The following BRD7 variants were observed in gnomAD, a reference collection of about 807,000 sequenced individuals.
BRD7 encodes the protein bromodomain-containing protein 7.
A neutral mutation model predicts 82.1 loss-of-function variants in BRD7; 15 were observed. That is an observed-to-expected ratio of 0.18 (90% CI 0.12 to 0.28). The LOEUF is 0.28. Among genes scored for constraint, BRD7 ranks in the 10% least tolerant of loss-of-function variants. The pLI is 1.00. For synonymous variants in BRD7, 232 were observed against 266.9 expected (o/e 0.87, Z 1.27); for missense variants, 638 against 779.9 (o/e 0.82, Z 2.17).
chr16:50,320,311 T>A lies in BRD7; in HGVS notation c.1693A>T (p.Ser565Cys), dbSNP rs1007854979. 1.2e-6 allele frequency: 2 copies of A among 1,614,204 alleles called. No homozygotes were observed. Among genetic ancestry groups the A allele is most frequent in the African/African-American group, 2.7e-5 (2 of 75,048 alleles). Residue 565 changes from serine (S) to cysteine (C), a missense_variant, in exon 15 of 17, where the codon AGC becomes TGC. Transcript: ENST00000394688. ...ATCATGTTCGGAGGGGGTCTGGTGCTCAAACGTTCATTCTGGGCTTCCTGG... is the reference window on the plus strand; with the variant it reads ...ATCATGTTCGGAGGGGGTCTGGTGCACAAACGTTCATTCTGGGCTTCCTGG... ...ELQEAQNERL[S>C]TRPPPNMICL...
intron 5 of BRD7, chr16:50,349,434 A>G (rs2038427592): frequency 5.3e-6 from 2 of 380,174 alleles, no homozygotes; most frequent in South Asian, 2.0e-5. Flanking sequence ...TAAAAAAAAA[A>G]AAGAAAGTGT....
chr16:50,320,565 C>T, intron 14 of BRD7, 98 bp downstream of exon 14: 1 of 1,376,508 alleles, frequency 7.3e-7, no homozygotes, highest in Non-Finnish European at 1.0e-6. Flanking sequence ...CAAGATCTTC[C>T]TGTGGTGAAT....
At chr16:50,355,970 C>G (rs2038714988) in intron 2 of BRD7, among the ~76,000 whole-genome samples, 1 of 151,918 alleles carries the variant, frequency 6.6e-6, no homozygotes, top group South Asian at 2.1e-4. Context: ...TAAATCTATG[C>G]AAAAAGGCAA....
At chr16:50,351,391 G>C (rs1229686635) in intron 4 of BRD7, among the ~76,000 whole-genome samples, 3 of 152,184 alleles carry the variant, frequency 2.0e-5, no homozygotes, top group African/African-American at 4.8e-5. Flanking sequence ...AAAATACATA[G>C]TCAGGACCCA....
chr16:50,324,401 A>T (rs1257939508), intron 11 of BRD7, among the ~76,000 whole-genome samples: 1 of 152,110 alleles, frequency 6.6e-6, no homozygotes, highest in African/African-American at 2.4e-5. Flanking sequence ...TTTAAACATC[A>T]TAATCTGGAC....
At chr16:50,358,000 CAA>C (rs2038803559) in intron 2 of BRD7, among the ~76,000 whole-genome samples, 1 of 151,866 alleles carries the variant, frequency 6.6e-6, no homozygotes, top group African/African-American at 2.4e-5. Context: ...CAAATCAAAA[CAA>C]AACAAAAACC....
chr16:50,350,320 A>C (rs2038465592), intron 4 of BRD7, among the ~76,000 whole-genome samples, 153 bp from the exon 5 acceptor site: 1 of 152,232 alleles, frequency 6.6e-6, no homozygotes, highest in African/African-American at 2.4e-5. Context: ...AAATGATTTT[A>C]AAGTCTATTA....
intron 5 of BRD7, among the ~76,000 whole-genome samples, chr16:50,348,831 T>C (rs776733158): frequency 6.6e-6 from 1 of 152,146 alleles, no homozygotes; most frequent in Non-Finnish European, 1.5e-5. Flanking sequence ...AGTTCAACCA[T>C]GTGGAAGACA....
At chr16:50,349,905 T>G in intron 5 of BRD7, 118 bp downstream of exon 5, 1 of 1,004,142 alleles carries the variant, frequency 1.0e-6, no homozygotes, top group Non-Finnish European at 1.4e-6. Context: ...TAAACAAAGA[T>G]ACTGGATCTT....
chr16:50,335,349 G>A (rs2037753662), intron 6 of BRD7, among the ~76,000 whole-genome samples: 1 of 152,238 alleles, frequency 6.6e-6, no homozygotes, highest in East Asian at 1.9e-4. Context: ...GCTCACGGAT[G>A]ACGCTGGCAT....
In BRD7 at chr16:50,368,393, G is replaced by A; in HGVS notation, c.50-95C>T. The A allele has an allele frequency of 2.3e-6, 3 of 1,333,318 alleles. No individual in the cohort carries two copies. The East Asian group carries it at 7.2e-5, about 32-fold the overall frequency. The allele number at this position is 1,333,318 out of a possible 1,614,324, so 82.6% of individuals were successfully genotyped here. ...GATGCAGAGCGCCAAGGCGCAGCAAGCCCGAGGCGGCTTTGGGCGCTCCGC... is the reference window on the plus strand; with the variant it reads ...GATGCAGAGCGCCAAGGCGCAGCAAACCCGAGGCGGCTTTGGGCGCTCCGC... On this transcript the variant is annotated intron_variant, in intron 1 of 16. Coordinates refer to ENST00000394688, the MANE Select transcript of BRD7 (RefSeq NM_013263.5).
chr16:50,328,768 A>G, intron 8 of BRD7, 24 bp from the exon 9 acceptor site: 2 of 1,608,950 alleles, frequency 1.2e-6, no homozygotes, highest in Non-Finnish European at 1.7e-6. Context: ...AAGTATTCAG[A>G]TGGAATGAAG....
chr16:50,359,532 G>T (rs528744893), intron 2 of BRD7, among the ~76,000 whole-genome samples: 2 of 152,206 alleles, frequency 1.3e-5, no homozygotes, highest in South Asian at 4.2e-4. Context: ...TACTCTTACG[G>T]AGCTCAGAGT....
In BRD7 at chr16:50,316,480, G is replaced by C. The variant is rs2036805229; in HGVS notation, c.*2731C>G. ...TTCTTACCAGAAAGGAATGGAGTCT[G>C]TTTAGAGACAACTTGGACAACCTGT... On this transcript the variant is annotated 3_prime_UTR_variant, in exon 17 of 17. Transcript: ENST00000394688. The C allele has an allele frequency of 6.6e-6, 1 of 152,350 alleles. No individual in the cohort carries two copies. The highest frequency in any genetic ancestry group is 1.5e-5 in the Non-Finnish European group (1 of 68,040). The allele number at this position is 152,350 out of a possible 1,614,324, so 9.4% of individuals were successfully genotyped here.
At chr16:50,326,197 C>A in intron 10 of BRD7, 87 bp downstream of exon 10, 1 of 1,046,490 alleles carries the variant, frequency 9.6e-7, no homozygotes, top group African/African-American at 1.6e-5. Context: ...CTGGTGCCCA[C>A]CTAGTGAATA....
At chr16:50,351,056 TG>T (rs1343503108) in intron 4 of BRD7, among the ~76,000 whole-genome samples, 2 of 152,246 alleles carry the variant, frequency 1.3e-5, no homozygotes, top group African/African-American at 4.8e-5. Context: ...TCTGGAAATC[TG>T]GCACACCAAA....
chr16:50,351,777 T>C (rs1597081632), intron 4 of BRD7, among the ~76,000 whole-genome samples: 2 of 152,268 alleles, frequency 1.3e-5, no homozygotes, highest in East Asian at 3.9e-4. Context: ...TACAGTGTGA[T>C]GTTTCGACAC....
chr16:50,333,000 G>A (rs1382566466), intron 8 of BRD7, among the ~76,000 whole-genome samples: 1 of 152,100 alleles, frequency 6.6e-6, no homozygotes, highest in Non-Finnish European at 1.5e-5. Flanking sequence ...GGGAGGGAAG[G>A]GGGCAAGGGT....
At chr16:50,354,689 T>C (rs2151195756) in intron 3 of BRD7, 104 bp downstream of exon 3, 2 of 1,450,216 alleles carry the variant, frequency 1.4e-6, no homozygotes, top group Non-Finnish European at 1.9e-6. Flanking sequence ...ACTTAAAAAT[T>C]CAATCACAAA....
Sources: gnomAD v4.1 joint callset for allele counts (sites outside exome capture counted in the v4.1 genomes callset) on GRCh38, gnomAD v4.1.1 for gene constraint, MANE v1.5 for transcripts, NCBI Gene and HGNC (gene_info 2026-07-23, HGNC 2026-07-21) for gene names.